Variants in OPRM1 observed in about 807,000 individuals in gnomAD.
The protein encoded by OPRM1 is mu-type opioid receptor.
Under a neutral mutation model 31.8 loss-of-function variants are expected in OPRM1, and 27 were observed. That is an observed-to-expected ratio of 0.85 (90% CI 0.63 to 1.17). OPRM1 has a LOEUF of 1.17. Ranked by LOEUF, OPRM1 falls within the 50% of genes most tolerant of loss-of-function variation. The pLI, the probability that OPRM1 is intolerant of heterozygous loss-of-function variation, is 0.00. For missense variants in OPRM1, 536 were observed against 511.1 expected (o/e 1.05, Z -0.47); for synonymous variants, 196 against 189.9 (o/e 1.03, Z -0.26).
intron 3 of OPRM1, among the ~76,000 whole-genome samples, chr6:154,141,060 T>A (rs1170764378): frequency 2.0e-5 from 3 of 152,170 alleles, no homozygotes; most frequent in Non-Finnish European, 2.9e-5. Flanking sequence ...TGGTTAAGAT[T>A]TGTCACTCTC....
At chr6:154,211,808 C>T (rs1378702496) in intron 3 of OPRM1, among the ~76,000 whole-genome samples, 1 of 151,954 alleles carries the variant, frequency 6.6e-6, no homozygotes, top group Non-Finnish European at 1.5e-5. Flanking sequence ...ACTTTTGCAC[C>T]AAACTATAGC....
Position 154,229,344 on chromosome 6 carries a change from CGG to C in OPRM1, c.1165-17348_1165-17347del, listed in dbSNP as rs1191026779. On this transcript the variant is annotated intron_variant, in intron 3 of 3. Transcript: ENST00000337049. ...CAGAAGGCAGTGTGGAAAAGTTTGCCGGTTTTTTTTTTTTTTTTTTTTTGAGA... is the reference window on the plus strand; with the variant it reads ...CAGAAGGCAGTGTGGAAAAGTTTGCCTTTTTTTTTTTTTTTTTTTTTGAGA... Among the ~76,000 whole-genome samples the C allele has an allele frequency of 2.2e-5, 3 of 139,024 alleles. No homozygotes were observed. The East Asian group carries it at 6.8e-4, about 31-fold the overall frequency. 91.2% of individuals were successfully genotyped at this position (139,024 alleles called of 152,430 possible).
At chr6:154,081,422 C>T (rs1190594723) in intron 1 of OPRM1, among the ~76,000 whole-genome samples, 4 of 152,102 alleles carry the variant, frequency 2.6e-5, no homozygotes, top group Admixed American at 2.6e-4. Flanking sequence ...AGGAGAATGG[C>T]GTGAACCCGG....
intron 1 of OPRM1, among the ~76,000 whole-genome samples, chr6:154,079,231 C>T (rs1788563617): frequency 1.3e-5 from 2 of 152,184 alleles, no homozygotes; most frequent in South Asian, 4.1e-4. Flanking sequence ...CCCAGGGTCC[C>T]CTGGAGTAGC....
At chr6:154,041,955 A>G (rs78215250) in intron 1 of OPRM1, among the ~76,000 whole-genome samples, 1 of 152,166 alleles carries the variant, frequency 6.6e-6, no homozygotes, top group Non-Finnish European at 1.5e-5. Flanking sequence ...GTCTTATTCC[A>G]GTGTAGAAGA....
At chr6:154,041,073 C>T (rs761183031) in intron 1 of OPRM1, among the ~76,000 whole-genome samples, 11 of 151,940 alleles carry the variant, frequency 7.2e-5, no homozygotes, top group Non-Finnish European at 1.3e-4. Context: ...CAGGTTTCAG[C>T]GGAGCTCTTA....
At chr6:154,177,601 G>A (rs1362088433) in intron 3 of OPRM1, among the ~76,000 whole-genome samples, 4 of 152,116 alleles carry the variant, frequency 2.6e-5, no homozygotes, top group Admixed American at 6.6e-5. Flanking sequence ...ACCATCTCAC[G>A]CCAGTTAGAA....
chr6:154,110,176 G>A (rs1193817833), intron 3 of OPRM1, among the ~76,000 whole-genome samples: 4 of 151,914 alleles, frequency 2.6e-5, no homozygotes, highest in East Asian at 3.9e-4. Context: ...AATAGAGCAG[G>A]GTTTTCCCTT....
In OPRM1 at chr6:154,127,967, A is replaced by G. The variant is rs1378601760; in HGVS notation, c.*9246A>G. Reference sequence around the variant, plus strand: ...AAACTCATTTGCTTTATGGAAATTCATGGCCCTTATTTCTCAAGGGACCAG... The same window carrying G: ...AAACTCATTTGCTTTATGGAAATTCGTGGCCCTTATTTCTCAAGGGACCAG... On this transcript the variant is annotated 3_prime_UTR_variant, in exon 4 of 4. Transcript: ENST00000330432. Among the ~76,000 whole-genome samples the G allele has an allele frequency of 6.6e-6, 1 of 152,192 alleles. No individual in the cohort carries two copies. The highest frequency in any genetic ancestry group is 1.5e-5 in the Non-Finnish European group (1 of 68,044).
At chr6:154,043,467 A>G (rs1161077488) in intron 1 of OPRM1, among the ~76,000 whole-genome samples, 2 of 151,954 alleles carry the variant, frequency 1.3e-5, no homozygotes, top group Non-Finnish European at 2.9e-5. Flanking sequence ...AACTTAATCT[A>G]GATTCAGGTA....
intron 3 of OPRM1, among the ~76,000 whole-genome samples, chr6:154,203,540 A>G (rs1407958202): frequency 6.6e-6 from 1 of 152,174 alleles, no homozygotes; most frequent in Non-Finnish European, 1.5e-5. Context: ...ATGCAGGATG[A>G]GAAACTCAAG....
At chr6:154,117,896 A>T (rs1227042384) in intron 3 of OPRM1, among the ~76,000 whole-genome samples, 4 of 73,656 alleles carry the variant, frequency 5.4e-5, no homozygotes, top group African/African-American at 1.2e-4. Context: ...TGTATGAGAG[A>T]GAAAAAAAGA....
At chr6:154,195,147 C>CTTT (rs10719288) in intron 3 of OPRM1, among the ~76,000 whole-genome samples, 23 of 122,896 alleles carry the variant, frequency 1.9e-4, no homozygotes, top group Non-Finnish European at 2.7e-4. Flanking sequence ...TCTTTTCTTT[C>CTTT]TTTTTTTTTT....
At chr6:154,160,004 G>A (rs1454010689) in intron 3 of OPRM1, 10 of 1,612,240 alleles carry the variant, frequency 6.2e-6, no homozygotes, top group Non-Finnish European at 7.6e-6. Context: ...GGGTCATCCA[G>A]CAACTGGTTA....
At chr6:154,025,122 A>T (rs376519912) in intron 1 of OPRM1, among the ~76,000 whole-genome samples, 1 of 152,152 alleles carries the variant, frequency 6.6e-6, no homozygotes, top group East Asian at 1.9e-4. Flanking sequence ...TTGGCTTTTG[A>T]AGTCTCCAGC....
At chr6:154,016,085 A>G (rs1051229468) in intron 1 of OPRM1, among the ~76,000 whole-genome samples, 18 of 152,122 alleles carry the variant, frequency 1.2e-4, no homozygotes, top group Non-Finnish European at 1.9e-4. Flanking sequence ...GTATCCTTTG[A>G]CCCAGCATTA....
At chr6:154,166,798 G>A (rs1031122911) in intron 3 of OPRM1, among the ~76,000 whole-genome samples, 2 of 152,048 alleles carry the variant, frequency 1.3e-5, no homozygotes, top group Admixed American at 6.5e-5. Flanking sequence ...ATCCCAACAC[G>A]CTATGACATA....
At chr6:154,197,879 A>C (rs531238916) in intron 3 of OPRM1, among the ~76,000 whole-genome samples, 1 of 152,280 alleles carries the variant, frequency 6.6e-6, no homozygotes, top group African/African-American at 2.4e-5. Context: ...CCAGTGATTA[A>C]AGTAAGCGTT....
At chr6:154,109,008 G>A in intron 3 of OPRM1, 1 of 985,128 alleles carries the variant, frequency 1.0e-6, no homozygotes, top group South Asian at 4.7e-5. Flanking sequence ...GATGATAAAA[G>A]CCATCTAACC....
Sources: allele counts gnomAD v4.1 joint callset (sites outside exome capture counted in the v4.1 genomes callset), GRCh38; gene constraint gnomAD v4.1.1; transcripts MANE v1.5; gene names NCBI Gene and HGNC (gene_info 2026-07-23, HGNC 2026-07-21).